The following CAPZB variants were observed in gnomAD, a reference collection of about 807,000 sequenced individuals.
CAPZB encodes F-actin-capping protein subunit beta.
A neutral mutation model predicts 38.1 loss-of-function variants in CAPZB; 2 were observed. The ratio of observed to expected loss-of-function variants is 0.05; its 90% CI spans 0.02 to 0.17. The LOEUF (loss-of-function observed/expected upper bound fraction) is 0.17. Among genes scored for constraint, CAPZB ranks in the 10% least tolerant of loss-of-function variants. CAPZB has a pLI of 1.00. For missense variants in CAPZB, 161 were observed against 334.2 expected, an observed-to-expected ratio of 0.48 and a Z score of 4.04; for synonymous variants, 107 against 127.4, an observed-to-expected ratio of 0.84 and a Z score of 1.08.
In CAPZB at chr1:19,341,330, G is replaced by A. The variant is rs1002107393; in HGVS notation, c.732-1713C>T. Among the ~76,000 whole-genome samples the A allele has an allele frequency of 5.9e-5, 9 of 152,164 alleles. No homozygotes were observed. The East Asian group carries it at 1.3e-3, about 23-fold the overall frequency. ...ACAGCGGGAGGTCAACATGGCCAGC[G>A]GGAGATGCGGCGGGCAAAGCAGCAG... On this transcript the variant is annotated intron_variant, in intron 8 of 8. Transcript: ENST00000264202.
chr1:19,346,989 TTTTTTTA>T (rs2093965111), intron 6 of CAPZB, among the ~76,000 whole-genome samples: 1 of 150,816 alleles, frequency 6.6e-6, no homozygotes, highest in Non-Finnish European at 1.5e-5. Context: ...ACGTCCGGCT[TTTTTTTA>T]TTTTTATTTT....
intron 1 of CAPZB, among the ~76,000 whole-genome samples, chr1:19,442,440 C>A (rs1261082551): frequency 6.6e-6 from 1 of 152,168 alleles, no homozygotes; most frequent in African/African-American, 2.4e-5. Flanking sequence ...CTCATTATAT[C>A]ACGTGCTTGA....
intron 2 of CAPZB, among the ~76,000 whole-genome samples, chr1:19,419,365 CCA>C (rs1212149200): frequency 6.6e-6 from 1 of 152,208 alleles, no homozygotes; most frequent in Non-Finnish European, 1.5e-5. Context: ...CTCTTCCTCA[CCA>C]CGTCTAAATG....
intron 1 of CAPZB, chr1:19,449,138 AGAGTC>A: frequency 2.9e-6 from 4 of 1,396,826 alleles, no homozygotes; most frequent in Non-Finnish European, 3.7e-6. Context: ...TCCTGACCGT[AGAGTC>A]TCTGTAAGGC....
chr1:19,439,056 C>T (rs2094467402), intron 1 of CAPZB, among the ~76,000 whole-genome samples: 1 of 152,230 alleles, frequency 6.6e-6, no homozygotes. Context: ...CAGAGCTCCA[C>T]CCATGGCTAC....
intron 2 of CAPZB, among the ~76,000 whole-genome samples, chr1:19,410,990 G>T (rs1002663130): frequency 6.6e-6 from 1 of 152,098 alleles, no homozygotes. Context: ...TGGATGAAGC[G>T]TATTAATAAT....
At chr1:19,471,694 C>T (rs1440278095) in intron 1 of CAPZB, among the ~76,000 whole-genome samples, 4 of 152,008 alleles carry the variant, frequency 2.6e-5, no homozygotes, top group Non-Finnish European at 5.9e-5. Flanking sequence ...GAAACCCCGT[C>T]TCTACTAAAA....
At chr1:19,405,794 GA>G (rs1220770182) in intron 2 of CAPZB, among the ~76,000 whole-genome samples, 2 of 152,186 alleles carry the variant, frequency 1.3e-5, no homozygotes, top group African/African-American at 2.4e-5. Flanking sequence ...GCGTCCATCT[GA>G]CAGCACTCCC....
chr1:19,480,693 G>A lies in CAPZB; in HGVS notation c.3+4743C>T, dbSNP rs562227144. Among the ~76,000 whole-genome samples the A allele has an allele frequency of 1.3e-4, 20 of 152,274 alleles. 1 individual carries two copies. In the South Asian group the frequency reaches 2.5e-3, roughly 19 times the overall value. ...TTCCACTGGCACAAACAAGGAATTC[G>A]GGCCTGACATATAGCATGAGGCTCT... On this transcript the variant is annotated intron_variant, in intron 1 of 8. Transcript: ENST00000264202.
intron 4 of CAPZB, among the ~76,000 whole-genome samples, chr1:19,372,170 T>A (rs1447910268): frequency 6.6e-6 from 1 of 152,178 alleles, no homozygotes. Flanking sequence ...CAAAATACCC[T>A]CCCACCCTGC....
chr1:19,378,143 A>G (rs2094153022), intron 4 of CAPZB, among the ~76,000 whole-genome samples: 1 of 152,258 alleles, frequency 6.6e-6, no homozygotes, highest in African/African-American at 2.4e-5. Flanking sequence ...CTGAGAAACG[A>G]GGACTAAACT....
In CAPZB at chr1:19,345,126, G is replaced by A. The variant is rs1432131367; in HGVS notation, c.654+61C>T. On this transcript the variant is annotated intron_variant, in intron 7 of 8. Coordinates refer to ENST00000264202, the MANE Select transcript of CAPZB (RefSeq NM_004930.5). ...AGAAGGAGGCCAGCACAGCGGCTCCGGGGCTGCAGTGTCACTGCTGTGGGT... is the reference window on the plus strand; with the variant it reads ...AGAAGGAGGCCAGCACAGCGGCTCCAGGGCTGCAGTGTCACTGCTGTGGGT... The A allele has an allele frequency of 1.8e-5, 23 of 1,278,838 alleles. 1 individual carries two copies. Among genetic ancestry groups the A allele is most frequent in the South Asian group, 1.4e-4 (12 of 84,448 alleles). The allele number at this position is 1,278,838 out of a possible 1,614,324, so 79.2% of individuals were successfully genotyped here. A position where few individuals can be genotyped will look rare whatever the true frequency, so the allele number is the denominator to read the frequency against.
chr1:19,467,608 C>T (rs534466404), intron 1 of CAPZB, among the ~76,000 whole-genome samples: 1 of 152,342 alleles, frequency 6.6e-6, no homozygotes, highest in African/African-American at 2.4e-5. Flanking sequence ...AATGGCCTCC[C>T]TCTATCCCAG....
intron 1 of CAPZB, among the ~76,000 whole-genome samples, chr1:19,481,542 T>C: frequency 6.6e-6 from 1 of 152,210 alleles, no homozygotes; most frequent in East Asian, 1.9e-4. Flanking sequence ...GGCTGGGCTA[T>C]AACCTAAGTC....
intron 4 of CAPZB, among the ~76,000 whole-genome samples, chr1:19,361,670 T>C (rs214304): frequency 0.33 from 50,661 of 152,178 alleles, 9,307 homozygotes; most frequent in East Asian, 0.56. Flanking sequence ...ATCATAATGA[T>C]ATGAAACAAG....
intron 2 of CAPZB, among the ~76,000 whole-genome samples, chr1:19,389,245 C>CGG (rs2100240377): frequency 6.6e-6 from 1 of 152,246 alleles, no homozygotes; most frequent in African/African-American, 2.4e-5. Context: ...GCCCGAAACT[C>CGG]CTCAAACAAC....
chr1:19,450,144 CAAAAAAA>C (rs71008167), intron 1 of CAPZB, among the ~76,000 whole-genome samples: 6 of 35,452 alleles, frequency 1.7e-4, no homozygotes, highest in East Asian at 8.7e-4. Flanking sequence ...ACCCTGTCTC[CAAAAAAA>C]AAAAAAAAAA....
At chr1:19,427,821 C>T (rs191264317) in intron 1 of CAPZB, among the ~76,000 whole-genome samples, 2 of 152,354 alleles carry the variant, frequency 1.3e-5, no homozygotes, top group Admixed American at 1.3e-4. Context: ...GTCCACTTGG[C>T]GGACCAAGCC....
intron 1 of CAPZB, among the ~76,000 whole-genome samples, chr1:19,474,154 T>C (rs1271850972): frequency 6.6e-6 from 1 of 151,918 alleles, no homozygotes; most frequent in Non-Finnish European, 1.5e-5. Context: ...TGCCACCACA[T>C]TTGGCTAATT....
Sources: allele counts gnomAD v4.1 joint callset (sites outside exome capture counted in the v4.1 genomes callset), GRCh38; gene constraint gnomAD v4.1.1; transcripts MANE v1.5; gene names NCBI Gene and HGNC (gene_info 2026-07-23, HGNC 2026-07-21).